Variants in ASPG observed in about 807,000 individuals in gnomAD.
The protein encoded by ASPG is asparaginase.
In ASPG, 53 loss-of-function variants were observed where a neutral mutation model predicts 63.2. That is an observed-to-expected ratio of 0.84 (90% CI 0.67 to 1.05). The LOEUF (loss-of-function observed/expected upper bound fraction) is 1.05. Ranked by LOEUF, ASPG falls within the 50% of genes least tolerant of loss-of-function variation. The pLI, the probability that ASPG is intolerant of heterozygous loss-of-function variation, is 0.00. For synonymous variants in ASPG, 370 were observed against 355.0 expected (o/e 1.04, Z -0.48); for missense variants, 741 against 794.4 (o/e 0.93, Z 0.81).
In ASPG at chr14:104,091,532, C is replaced by T. The variant is rs2036367236; in HGVS notation, c.83-1101C>T. Among the ~76,000 whole-genome samples the T allele has an allele frequency of 6.6e-6, 1 of 152,110 alleles. No homozygotes were observed. The highest frequency in any genetic ancestry group is 1.5e-5 in the Non-Finnish European group (1 of 68,018). On this transcript the variant is annotated intron_variant, in intron 1 of 15. Transcript: ENST00000551177. This position sits in a 1 kb window ranked among gnomAD's most constrained non-coding sequence, Gnocchi z 6.4. ...CCTTTGTGTAAGGCCAGAGGAGGAT[C>T]ACGGGTGCCATAAACCTTCACGGGG...
intron 3 of ASPG, among the ~76,000 whole-genome samples, chr14:104,093,881 G>A (rs1284529115): frequency 8.5e-5 from 12 of 140,500 alleles, no homozygotes; most frequent in Non-Finnish European, 1.8e-4. Flanking sequence ...GCAGGGCTGT[G>A]TTTTGTGGGT....
At position 104,105,058 on chromosome 14, in the gene ASPG, A is replaced by T. The variant is rs1038313087; in HGVS notation, c.1051-270A>T. The T allele has an allele frequency of 1.0e-5, 6 of 591,392 alleles. No homozygotes were observed. The African/African-American group carries it at 1.1e-4, about 11-fold the overall frequency. The allele number at this position is 591,392 out of a possible 1,614,324, so 36.6% of individuals were successfully genotyped here. Reference sequence around the variant, plus strand: ...TCTTCCTCGAGGGTGGGGTTCAGACACAGCTGGCCCCAGACCCTTGGGTTG... The same window carrying T: ...TCTTCCTCGAGGGTGGGGTTCAGACTCAGCTGGCCCCAGACCCTTGGGTTG... On this transcript the variant is annotated intron_variant, in intron 9 of 15. Transcript: ENST00000551177.
chr14:104,107,250 C>A lies in ASPG; in HGVS notation c.1338C>A (p.His446Gln). 2 of 1,608,736 alleles carry A rather than the reference C, an allele frequency of 1.2e-6. No homozygotes were observed. The highest frequency in any genetic ancestry group is 1.7e-6 in the Non-Finnish European group (2 of 1,177,340). The change falls in exon 12 of 16, where the codon CAC (histidine) becomes CAA (glutamine). Residue 446 changes from histidine to glutamine, a missense_variant. Physicochemically the swap from His to Gln is conservative, Grantham distance 24. Coordinates refer to ENST00000551177, the MANE Select transcript of ASPG (RefSeq NM_001080464.3). ...TPLHAAARGG[H>Q]TEAVTMLLQR... ...TGCACGCGGCCGCCCGGGGAGGCCA[C>A]ACAGAGGCAGTCACCATGCTGCTGC...
At chr14:104,103,443 G>C (rs942797315) in intron 6 of ASPG, 120 bp from the exon 7 acceptor site, 34 of 852,394 alleles carry the variant, frequency 4.0e-5, no homozygotes, top group Non-Finnish European at 6.0e-5. Context: ...GCTGAGCCGC[G>C]AAGGCTCAGG....
chr14:104,105,423 C>T lies in ASPG; in HGVS notation c.1146C>T (p.Ser382=), dbSNP rs757966858. 2 of 1,608,520 alleles carry T rather than the reference C, an allele frequency of 1.2e-6. No homozygotes were observed. The highest frequency in any genetic ancestry group is 1.7e-6 in the Non-Finnish European group (2 of 1,177,956). Residue 382 remains serine (S), a synonymous_variant, in exon 10 of 16, where the codon TCC becomes TCT. Coordinates refer to ENST00000551177, the MANE Select transcript of ASPG (RefSeq NM_001080464.3). ...GCAACACGCTGGGCGGTGGGGTCTC[C>T]TGGCTCCTCAGTCTGAGCGGCAGCC... ...LQGNTLGGGV[S]WLLSLSGSQE...
chr14:104,110,968 G>A lies in ASPG; in HGVS notation c.1521-534G>A. The A allele has an allele frequency of 2.0e-6, 2 of 985,444 alleles. No individual in the cohort carries two copies. The highest frequency in any genetic ancestry group is 2.4e-6 in the Non-Finnish European group (2 of 829,936). The allele number at this position is 985,444 out of a possible 1,614,324, so 61.0% of individuals were successfully genotyped here. A position where few individuals can be genotyped will look rare whatever the true frequency, so the allele number is the denominator to read the frequency against. ...CCCCCATGCAGTCTGCCGGGGTCCA[G>A]GGCCAACCGTTATCCTGGGTTGCCT... On this transcript the variant is annotated intron_variant, in intron 13 of 15. Coordinates refer to ENST00000551177, the MANE Select transcript of ASPG (RefSeq NM_001080464.3). This position sits in a 1 kb window ranked among gnomAD's most constrained non-coding sequence, Gnocchi z 4.7.
chr14:104,089,572 G>GTA (rs1185250741), intron 1 of ASPG, among the ~76,000 whole-genome samples: 2 of 152,096 alleles, frequency 1.3e-5, no homozygotes, highest in Non-Finnish European at 2.9e-5. Flanking sequence ...GGCTGCTGAC[G>GTA]TACAACACAT....
intron 1 of ASPG, among the ~76,000 whole-genome samples, chr14:104,086,841 G>A (rs1000724654): frequency 2.0e-5 from 3 of 151,994 alleles, no homozygotes; most frequent in Non-Finnish European, 2.9e-5. Context: ...TGTGTCCAGC[G>A]CAGCTCTCTC....
Position 104,093,542 on chromosome 14 carries a change from C to T in ASPG, c.243C>T (p.Pro81=), listed in dbSNP as rs771097726. 7.4e-6 allele frequency: 12 copies of T among 1,612,588 alleles called. No individual in the cohort carries two copies. The Admixed American group carries it at 2.0e-4, about 27-fold the overall frequency. The change falls in exon 3 of 16, where the codon CCC becomes CCT. Residue 81 remains proline, a synonymous_variant. Coordinates refer to ENST00000551177, the MANE Select transcript of ASPG (RefSeq NM_001080464.3). ...RILYTVLECQ[P]LFDSSDMTIA... is the part of the protein sequence containing the mutation. The stretch of plus-strand genomic sequence containing the variant: ...TCTACACCGTGCTGGAGTGCCAGCC[C>T]CTCTTCGACTCCAGTGACATGACCA...
intron 6 of ASPG, among the ~76,000 whole-genome samples, 160 bp from the exon 7 acceptor site, chr14:104,103,403 T>C (rs1023978660): frequency 1.3e-5 from 2 of 152,248 alleles, no homozygotes; most frequent in Admixed American, 1.3e-4. Context: ...CGGGAGGATT[T>C]GCCTGCGGGA....
Position 104,104,308 on chromosome 14 carries a change from G to A in ASPG, c.758G>A (p.Arg253Gln), listed in dbSNP as rs1285267668. The stretch of plus-strand genomic sequence containing the variant: ...CCCCACCCCACCGCCCCACAGGTTC[G>A]GGCCTTCTTGCAGCCTCCCCTGAAG... Reference protein sequence around the residue: ...LYPGIPAALVRAFLQPPLKGV... With the variant: ...LYPGIPAALVQAFLQPPLKGV... The change falls in exon 8 of 16, where the codon CGG becomes CAG. Residue 253 changes from arginine to glutamine, a missense_variant. Arg to Gln is a conservative substitution (Grantham distance 43, BLOSUM62 1). Transcript: ENST00000551177. 4 of 1,610,926 alleles carry A rather than the reference G, an allele frequency of 2.5e-6. No homozygotes were observed. Among genetic ancestry groups the A allele is most frequent in the Admixed American group, 1.7e-5 (1 of 59,940 alleles).
rs8021758 is a variant in ASPG, at chr14:104,110,133, G to A, written c.1520+818G>A. The A allele has an allele frequency of 3.0e-6, 3 of 985,240 alleles. No homozygotes were observed. The highest frequency in any genetic ancestry group is 9.4e-5 in the South Asian group (2 of 21,292). The allele number at this position is 985,240 out of a possible 1,614,324, so 61.0% of individuals were successfully genotyped here. A position where few individuals can be genotyped will look rare whatever the true frequency, so the allele number is the denominator to read the frequency against. On this transcript the variant is annotated intron_variant, in intron 13 of 15. Transcript: ENST00000551177. This position sits in a 1 kb window ranked among gnomAD's most constrained non-coding sequence, Gnocchi z 4.7. Reference sequence around the variant, plus strand: ...TCCGAGGGACCCAAAAAGGAGAGTCGGAGGCAGGAGACCTGGGCCGGGTGC... The same window carrying A: ...TCCGAGGGACCCAAAAAGGAGAGTCAGAGGCAGGAGACCTGGGCCGGGTGC...
chr14:104,104,171 C>A (rs1234533032), intron 7 of ASPG, 133 bp from the exon 8 acceptor site: 2 of 1,040,038 alleles, frequency 1.9e-6, no homozygotes, highest in Admixed American at 5.7e-5. Flanking sequence ...AGGAGCCCCA[C>A]TGTCCCGGGA....
rs2037442951 is a variant in ASPG, at chr14:104,114,945, G to C, written c.*2401G>C. 6.6e-6 allele frequency: 1 copy of C among 152,166 alleles called. No individual in the cohort carries two copies. 9.4% of individuals were successfully genotyped at this position (152,166 alleles called of 1,614,324 possible). A position where few individuals can be genotyped will look rare whatever the true frequency, so the allele number is the denominator to read the frequency against. Reference sequence around the variant, plus strand: ...TGGTGTGAGGCTGTGGGAGACTCAGGAATGAGGCACAGCCAGGTGCCCAGT... The same window carrying C: ...TGGTGTGAGGCTGTGGGAGACTCAGCAATGAGGCACAGCCAGGTGCCCAGT... On this transcript the variant is annotated 3_prime_UTR_variant, in exon 16 of 16. Transcript: ENST00000551177.
intron 3 of ASPG, among the ~76,000 whole-genome samples, chr14:104,095,285 C>G (rs1186050627): frequency 6.6e-6 from 1 of 152,180 alleles, no homozygotes; most frequent in Non-Finnish European, 1.5e-5. Flanking sequence ...CTCGAGTGCT[C>G]TGAGGGGAGC....
rs767289504 is a variant in ASPG, at chr14:104,085,811, T to C, written c.41T>C (p.Val14Ala). 13 of 1,590,382 alleles carry C rather than the reference T, an allele frequency of 8.2e-6. No individual in the cohort carries two copies. Among genetic ancestry groups the C allele is most frequent in the Non-Finnish European group, 8.5e-7 (1 of 1,174,322 alleles). The part of the protein sequence containing the change: ...AVGPERRLLA[V>A]YTGGTIGMRS... ...GGGCCCGAGCGGAGGCTGCTGGCCG[T>C]CTACACCGGCGGCACCATTGGCATG... Residue 14 changes from valine (V) to alanine (A), a missense_variant, in exon 1 of 16, where the codon GTC becomes GCC. Coordinates refer to ENST00000551177, the MANE Select transcript of ASPG (RefSeq NM_001080464.3).
intron 13 of ASPG, chr14:104,111,109 G>C (rs1367898780): frequency 6.1e-6 from 6 of 985,310 alleles, no homozygotes; most frequent in Non-Finnish European, 4.8e-6. Flanking sequence ...GGGCTGCTCG[G>C]CAGGTGGGCG....
In ASPG at chr14:104,097,068, C is replaced by T. The variant is rs1436723653; in HGVS notation, c.430-486C>T. ...GCCCACCCACCCCTCACCCCCACCACCCTCCTTCCAGCCCATAGTTCTGCT... is the reference window on the plus strand; with the variant it reads ...GCCCACCCACCCCTCACCCCCACCATCCTCCTTCCAGCCCATAGTTCTGCT... On this transcript the variant is annotated intron_variant, in intron 4 of 15. Coordinates refer to ENST00000551177, the MANE Select transcript of ASPG (RefSeq NM_001080464.3). 2.0e-5 allele frequency among the ~76,000 whole-genome samples: 3 copies of T among 152,162 alleles called. No homozygotes were observed. In the East Asian group the frequency reaches 5.8e-4, roughly 29 times the overall value.
Position 104,110,286 on chromosome 14 carries a change from C to T in ASPG, c.1520+971C>T, listed in dbSNP as rs1596113974. The T allele has an allele frequency of 2.3e-5, 23 of 985,094 alleles. No individual in the cohort carries two copies. The highest frequency in any genetic ancestry group is 6.2e-5 in the Admixed American group (1 of 16,254). The allele number at this position is 985,094 out of a possible 1,614,324, so 61.0% of individuals were successfully genotyped here. On this transcript the variant is annotated intron_variant, in intron 13 of 15. Transcript: ENST00000551177. This position sits in a 1 kb window ranked among gnomAD's most constrained non-coding sequence, Gnocchi z 4.7. ...CTGGCTGGGAGGGGGTGGGTGCAGGCGCCTGCCCAGCAGGAGGAGGACTAG... is the reference window on the plus strand; with the variant it reads ...CTGGCTGGGAGGGGGTGGGTGCAGGTGCCTGCCCAGCAGGAGGAGGACTAG...
Sources: gnomAD v4.1 joint callset for allele counts (sites outside exome capture counted in the v4.1 genomes callset) on GRCh38, gnomAD v4.1.1 for gene constraint, Gnocchi (gnomAD v3.1) non-coding constraint, MANE v1.5 for transcripts, NCBI Gene and HGNC (gene_info 2026-07-23, HGNC 2026-07-21) for gene names.